The following EPB41L4A variants were observed in gnomAD, a reference collection of about 807,000 sequenced individuals.
EPB41L4A encodes erythrocyte membrane protein band 4.1 like 4A.
EPB41L4A carries 100 observed loss-of-function variants against 108.6 expected under a neutral mutation model. That is an observed-to-expected ratio of 0.92 (90% confidence interval 0.78 to 1.09). The LOEUF (loss-of-function observed/expected upper bound fraction) is 1.09. Among genes scored for constraint, EPB41L4A ranks in the 50% least tolerant of loss-of-function variants. The probability of loss-of-function intolerance (pLI) is 0.00; values close to 1 mark genes in which losing one functional copy is unlikely to be tolerated. For missense variants in EPB41L4A, 1,030 were observed against 842.7 expected (o/e 1.22, Z -2.75); for synonymous variants, 319 against 289.0 (o/e 1.10, Z -1.05).
intron 1 of EPB41L4A, among the ~76,000 whole-genome samples, chr5:112,374,010 T>C (rs554169465): frequency 6.6e-6 from 1 of 152,348 alleles, no homozygotes; most frequent in Admixed American, 6.5e-5. Flanking sequence ...ATGTATACAC[T>C]TGTCAGTTCT....
chr5:112,265,073 T>C, intron 5 of EPB41L4A, 57 bp from the exon 6 acceptor site: 33 of 1,415,238 alleles, frequency 2.3e-5, no homozygotes, highest in Non-Finnish European at 2.9e-5. Flanking sequence ...CCTTAAAACA[T>C]AGAAATAAAA....
At chr5:112,349,293 C>T (rs1412650656) in intron 1 of EPB41L4A, among the ~76,000 whole-genome samples, 1 of 151,944 alleles carries the variant, frequency 6.6e-6, no homozygotes, top group Non-Finnish European at 1.5e-5. Context: ...GAGCAAAGTC[C>T]CCTGGTACAG....
At chr5:112,366,962 C>T (rs993206154) in intron 1 of EPB41L4A, among the ~76,000 whole-genome samples, 6 of 152,172 alleles carry the variant, frequency 3.9e-5, no homozygotes, top group Admixed American at 2.0e-4. Context: ...GAGCCATCTC[C>T]GCCACTGGTC....
intron 2 of EPB41L4A, among the ~76,000 whole-genome samples, chr5:112,286,397 C>T (rs1753282594): frequency 6.6e-6 from 1 of 152,132 alleles, no homozygotes; most frequent in South Asian, 2.1e-4. Context: ...CCCAAGGGAA[C>T]CCTTGGTATC....
chr5:112,158,237 C>T (rs1723423543), downstream of EPB41L4A, among the ~76,000 whole-genome samples: 1 of 152,124 alleles, frequency 6.6e-6, no homozygotes, highest in South Asian at 2.1e-4. Context: ...GAACTCAATA[C>T]AAGAAGGTTC....
intron 15 of EPB41L4A, among the ~76,000 whole-genome samples, chr5:112,202,056 C>T (rs1255594653): frequency 1.3e-5 from 2 of 152,180 alleles, no homozygotes; most frequent in African/African-American, 2.4e-5. Flanking sequence ...ACTTTGCCAG[C>T]TGGGTTCTAG....
intron 1 of EPB41L4A, among the ~76,000 whole-genome samples, chr5:112,318,967 A>G (rs1755592211): frequency 6.6e-6 from 1 of 152,174 alleles, no homozygotes; most frequent in South Asian, 2.1e-4. Flanking sequence ...GTTACCATGA[A>G]GCACGTCCCC....
At chr5:112,200,908 G>A (rs1762187351) in intron 15 of EPB41L4A, among the ~76,000 whole-genome samples, 1 of 152,094 alleles carries the variant, frequency 6.6e-6, no homozygotes, top group South Asian at 2.1e-4. Flanking sequence ...AACAAAATAG[G>A]AAATTTTGAC....
chr5:112,158,486 T>A, downstream of EPB41L4A: 1 of 357,440 alleles, frequency 2.8e-6, no homozygotes, highest in Non-Finnish European at 5.6e-6. Flanking sequence ...TAAACCTATA[T>A]ATGCTGGCTG....
chr5:112,184,253 T>C (rs1761315272), intron 17 of EPB41L4A, 118 bp from the exon 18 acceptor site: 3 of 1,151,656 alleles, frequency 2.6e-6, no homozygotes, highest in Non-Finnish European at 3.7e-6. Context: ...TGATCATTTA[T>C]AGCTAAAGAT....
rs117531379 is a variant in EPB41L4A, at chr5:112,155,341, A to G, written n.994+3060T>C. Reference sequence around the variant, plus strand: ...GAAAAAAATTATATTTTAGCTCCCAAAACTCAATGCAACATTTTTAGCAAC... The same window carrying G: ...GAAAAAAATTATATTTTAGCTCCCAGAACTCAATGCAACATTTTTAGCAAC... On this transcript the variant is annotated intron_variant and non_coding_transcript_variant, in intron 12 of 13. Transcript: ENST00000507810. 3.3e-3 allele frequency among the ~76,000 whole-genome samples: 507 copies of G among 152,220 alleles called. 21 individuals are homozygous for G. In the East Asian group the frequency reaches 0.09, roughly 27 times the overall value.
rs1324699889 is a variant in EPB41L4A, at chr5:112,182,651, T to C, written c.1622+1365A>G. Among the ~76,000 whole-genome samples the C allele has an allele frequency of 2.6e-5, 4 of 152,222 alleles. No individual in the cohort carries two copies. In the South Asian group the frequency reaches 6.2e-4, roughly 24 times the overall value. On this transcript the variant is annotated intron_variant, in intron 18 of 22. Transcript: ENST00000261486. ...AACCTTGTGTATAACAAGTCCTTCATAGAAAACTATTCCACATGGAAAGGT... is the reference window on the plus strand; with the variant it reads ...AACCTTGTGTATAACAAGTCCTTCACAGAAAACTATTCCACATGGAAAGGT...
chr5:112,372,140 A>AT (rs1284961825), intron 1 of EPB41L4A, among the ~76,000 whole-genome samples: 4 of 152,212 alleles, frequency 2.6e-5, no homozygotes, highest in Admixed American at 2.0e-4. Flanking sequence ...TGACTGGGTA[A>AT]TTTACAAAGA....
chr5:112,194,020 A>G (rs771223964), intron 17 of EPB41L4A, among the ~76,000 whole-genome samples: 1 of 152,218 alleles, frequency 6.6e-6, no homozygotes, highest in Non-Finnish European at 1.5e-5. Flanking sequence ...TTAATGCATT[A>G]AGCCACCACT....
chr5:112,252,554 T>C (rs1750757158), intron 9 of EPB41L4A, among the ~76,000 whole-genome samples: 1 of 152,146 alleles, frequency 6.6e-6, no homozygotes. Context: ...TGACCAAATG[T>C]GAACAGCAAA....
At chr5:112,285,643 C>G (rs1157097074) in intron 2 of EPB41L4A, among the ~76,000 whole-genome samples, 1 of 152,078 alleles carries the variant, frequency 6.6e-6, no homozygotes, top group Non-Finnish European at 1.5e-5. Context: ...TACAACTGGC[C>G]CCGTTTTTCA....
chr5:112,332,371 C>G (rs1756625456), intron 1 of EPB41L4A, among the ~76,000 whole-genome samples: 1 of 152,176 alleles, frequency 6.6e-6, no homozygotes, highest in South Asian at 2.1e-4. Context: ...CACCCAGGAC[C>G]TTGACTCCTC....
At chr5:112,294,081 G>A (rs1186042538) in intron 2 of EPB41L4A, among the ~76,000 whole-genome samples, 1 of 152,130 alleles carries the variant, frequency 6.6e-6, no homozygotes. Flanking sequence ...AACCAGACAA[G>A]AATATTCTAA....
intron 1 of EPB41L4A, among the ~76,000 whole-genome samples, chr5:112,312,466 C>T (rs1402783941): frequency 6.6e-6 from 1 of 152,178 alleles, no homozygotes; most frequent in Non-Finnish European, 1.5e-5. Flanking sequence ...AATATGACAT[C>T]TCGTGATTCC....
Sources: gnomAD v4.1 joint callset for allele counts (sites outside exome capture counted in the v4.1 genomes callset) on GRCh38, gnomAD v4.1.1 for gene constraint, MANE v1.5 for transcripts, NCBI Gene and HGNC (gene_info 2026-07-23, HGNC 2026-07-21) for gene names.